Variants in CDH4 observed in about 807,000 individuals in gnomAD.
CDH4 encodes the protein cadherin 4, also known as cadherin-4.
In CDH4, 33 loss-of-function variants were observed where a neutral mutation model predicts 86.0. That is an observed-to-expected ratio of 0.38 (90% CI 0.29 to 0.51). The LOEUF (loss-of-function observed/expected upper bound fraction) is 0.51, where lower values mean the gene tolerates loss of function less well. CDH4 is among the 20% of genes least tolerant of loss of function. CDH4 has a pLI of 0.86. For synonymous variants in CDH4, 555 were observed against 549.4 expected, an observed-to-expected ratio of 1.01 and a Z score of -0.14; for missense variants, 1,114 against 1,307.4, an observed-to-expected ratio of 0.85 and a Z score of 2.28.
intron 2 of CDH4, among the ~76,000 whole-genome samples, chr20:61,387,094 TAAAAG>T (rs1413479061): frequency 1.3e-5 from 2 of 152,170 alleles, no homozygotes; most frequent in East Asian, 1.9e-4. Flanking sequence ...TATTCACAAT[TAAAAG>T]AAAGGAAAAT....
intron 2 of CDH4, among the ~76,000 whole-genome samples, chr20:61,702,161 C>G (rs1015565057): frequency 2.0e-5 from 3 of 152,130 alleles, no homozygotes; most frequent in Admixed American, 2.0e-4. Context: ...GAGAGTTGGC[C>G]GAGAAGCAAT....
At chr20:61,778,375 G>A (rs1350701201) in intron 4 of CDH4, among the ~76,000 whole-genome samples, 5 of 152,246 alleles carry the variant, frequency 3.3e-5, no homozygotes, top group Admixed American at 6.5e-5. Flanking sequence ...AAAAACGAGC[G>A]GGAGAGGAGG....
rs138755962 is a variant in CDH4 at position 61,453,828 on chromosome 20, G to A, written c.169+198891G>A. Reference sequence around the variant, plus strand: ...TGTTGTGGGAGGGACCCAGTGGGAGGTAATTGAATCATGGGGGCAGTGACC... The same window carrying A: ...TGTTGTGGGAGGGACCCAGTGGGAGATAATTGAATCATGGGGGCAGTGACC... On this transcript the variant is annotated intron_variant, in intron 2 of 15. Coordinates refer to ENST00000614565, the MANE Select transcript of CDH4 (RefSeq NM_001794.5). 6.9e-3 allele frequency among the ~76,000 whole-genome samples: 1,053 copies of A among 152,284 alleles called. 72 individuals are homozygous for A. In the East Asian group the frequency reaches 0.17, roughly 25 times the overall value.
At chr20:61,400,909 C>T (rs890802379) in intron 2 of CDH4, among the ~76,000 whole-genome samples, 14 of 152,214 alleles carry the variant, frequency 9.2e-5, no homozygotes, top group Admixed American at 7.2e-4. Flanking sequence ...TCTAAGTTGA[C>T]GTCCCTTTGC....
At chr20:61,735,216 C>T (rs566597813) in intron 2 of CDH4, among the ~76,000 whole-genome samples, 1 of 152,298 alleles carries the variant, frequency 6.6e-6, no homozygotes, top group Non-Finnish European at 1.5e-5. Flanking sequence ...GGGCACAGAG[C>T]TCAGGAGGAC....
At chr20:61,706,582 C>T (rs1331637272) in intron 2 of CDH4, among the ~76,000 whole-genome samples, 2 of 152,178 alleles carry the variant, frequency 1.3e-5, no homozygotes, top group African/African-American at 2.4e-5. Flanking sequence ...TTGGAGTTTG[C>T]TGAGCTGAGG....
At chr20:61,862,620 C>A (rs1427558235) in intron 6 of CDH4, among the ~76,000 whole-genome samples, 1 of 152,166 alleles carries the variant, frequency 6.6e-6, no homozygotes, top group Non-Finnish European at 1.5e-5. Flanking sequence ...TGACTGTTTT[C>A]CACCGCTGTC....
chr20:61,360,482 TG>T (rs763349250), intron 2 of CDH4, among the ~76,000 whole-genome samples: 4 of 152,194 alleles, frequency 2.6e-5, no homozygotes, highest in Non-Finnish European at 5.9e-5. Flanking sequence ...TGGTAGTAGC[TG>T]TGAGCCAGAT....
intron 4 of CDH4, among the ~76,000 whole-genome samples, chr20:61,780,646 T>C (rs537121581): frequency 6.6e-6 from 1 of 152,380 alleles, no homozygotes; most frequent in Admixed American, 6.5e-5. Context: ...GTTTATTTCA[T>C]TCTAACACTC....
intron 3 of CDH4, among the ~76,000 whole-genome samples, chr20:61,763,854 A>C (rs1339261504): frequency 6.6e-6 from 1 of 152,134 alleles, no homozygotes; most frequent in East Asian, 1.9e-4. Flanking sequence ...AATATAACAA[A>C]TGATAACTTT....
chr20:61,895,146 C>A (rs752397984), intron 8 of CDH4, 99 bp downstream of exon 8: 40 of 1,413,830 alleles, frequency 2.8e-5, no homozygotes, highest in Non-Finnish European at 3.8e-5. Context: ...CTCTGCCTGA[C>A]GGGCACTTGG....
At chr20:61,625,275 G>C (rs1004488439) in intron 2 of CDH4, among the ~76,000 whole-genome samples, 1 of 152,162 alleles carries the variant, frequency 6.6e-6, no homozygotes, top group South Asian at 2.1e-4. Flanking sequence ...GAGGCATTTT[G>C]ACCAAGTTTG....
intron 2 of CDH4, among the ~76,000 whole-genome samples, chr20:61,266,941 C>T (rs2084161097): frequency 6.6e-6 from 1 of 152,172 alleles, no homozygotes; most frequent in African/African-American, 2.4e-5. Flanking sequence ...GGCCGTAAAT[C>T]CAAGGACAAC....
At chr20:61,846,040 C>T (rs1033697518) in intron 5 of CDH4, among the ~76,000 whole-genome samples, 11 of 152,226 alleles carry the variant, frequency 7.2e-5, no homozygotes, top group African/African-American at 2.4e-4. Context: ...GAAGGGAGGG[C>T]GTTGACGGGA....
intron 2 of CDH4, among the ~76,000 whole-genome samples, chr20:61,283,933 T>A (rs2027540): frequency 6.6e-6 from 1 of 151,948 alleles, no homozygotes; most frequent in East Asian, 1.9e-4. Context: ...TTGGACGTGC[T>A]TCCCAAGTGG....
chr20:61,577,152 T>C (rs762423556), intron 2 of CDH4, among the ~76,000 whole-genome samples: 3 of 152,148 alleles, frequency 2.0e-5, no homozygotes, highest in Non-Finnish European at 4.4e-5. Flanking sequence ...GATGAGTGGA[T>C]GTTTTGTGTG....
chr20:61,731,160 C>A (rs1304365846), intron 2 of CDH4, among the ~76,000 whole-genome samples: 3 of 152,072 alleles, frequency 2.0e-5, no homozygotes, highest in Non-Finnish European at 2.9e-5. Flanking sequence ...GTCCGAGTCC[C>A]CCCCTCAGCC....
At chr20:61,565,214 T>TTGGTGATGGTGGTGG (rs1568688420) in intron 2 of CDH4, among the ~76,000 whole-genome samples, 1 of 31,300 alleles carries the variant, frequency 3.2e-5, no homozygotes, top group Non-Finnish European at 5.8e-5. Context: ...CGCGGTGCTC[T>TTGGTGATGGTGGTGG]CGGTGGTAGG....
intron 5 of CDH4, among the ~76,000 whole-genome samples, chr20:61,847,343 G>A (rs374661501): frequency 6.6e-6 from 1 of 152,218 alleles, no homozygotes; most frequent in Admixed American, 6.5e-5. Flanking sequence ...CCCACAGCAG[G>A]GGTCCGGCTG....
Sources: allele counts gnomAD v4.1 joint callset (sites outside exome capture counted in the v4.1 genomes callset), GRCh38; gene constraint gnomAD v4.1.1; transcripts MANE v1.5; gene names NCBI Gene and HGNC (gene_info 2026-07-23, HGNC 2026-07-21).